Variants in NRF1 observed in about 807,000 individuals in gnomAD.
The protein encoded by NRF1 is nuclear respiratory factor 1.
A neutral mutation model predicts 58.5 loss-of-function variants in NRF1; 5 were observed. That is an observed-to-expected ratio of 0.09 (90% CI 0.04 to 0.18). The LOEUF (loss-of-function observed/expected upper bound fraction) is 0.18. Among genes scored for constraint, NRF1 ranks in the 10% least tolerant of loss-of-function variants. The pLI, the probability that NRF1 is intolerant of heterozygous loss-of-function variation, is 1.00. For synonymous variants in NRF1, 224 were observed against 246.7 expected (o/e 0.91, Z 0.86); for missense variants, 288 against 657.7 (o/e 0.44, Z 6.15).
intron 1 of NRF1, among the ~76,000 whole-genome samples, chr7:129,645,486 A>G (rs973979383): frequency 1.3e-5 from 2 of 152,202 alleles, no homozygotes; most frequent in Non-Finnish European, 2.9e-5. Flanking sequence ...GCTCTTTCCC[A>G]TGCTGGAAAT....
chr7:129,754,102 G>A (rs1245045361), intron 10 of NRF1, among the ~76,000 whole-genome samples: 2 of 152,136 alleles, frequency 1.3e-5, no homozygotes, highest in East Asian at 1.9e-4. Flanking sequence ...AAGCTGGGAA[G>A]GCCCTACCCT....
intron 4 of NRF1, among the ~76,000 whole-genome samples, chr7:129,682,478 CA>C (rs1046000032): frequency 3.3e-5 from 5 of 150,562 alleles, no homozygotes; most frequent in Admixed American, 1.3e-4. Flanking sequence ...AAAAACAAAA[CA>C]AAAAAACCCC....
At chr7:129,690,278 A>T in intron 4 of NRF1, 128 bp from the exon 5 acceptor site, 1 of 793,702 alleles carries the variant, frequency 1.3e-6, no homozygotes, top group Non-Finnish European at 2.0e-6. Flanking sequence ...ATTTGCTTGT[A>T]GAAGTGTTTG....
chr7:129,674,372 C>G (rs1802126926), intron 3 of NRF1, among the ~76,000 whole-genome samples: 1 of 151,506 alleles, frequency 6.6e-6, no homozygotes, highest in Admixed American at 6.6e-5. Flanking sequence ...TAACACTATA[C>G]TCTGTTAAGT....
intron 1 of NRF1, among the ~76,000 whole-genome samples, chr7:129,619,581 G>A (rs1358803177): frequency 6.8e-6 from 1 of 146,460 alleles, no homozygotes; most frequent in African/African-American, 2.5e-5. Context: ...TAAATTCAGG[G>A]GTAGGTCCTA....
chr7:129,683,313 G>A, intron 4 of NRF1, among the ~76,000 whole-genome samples: 1 of 144,958 alleles, frequency 6.9e-6, no homozygotes, highest in South Asian at 2.3e-4. Context: ...GTGTGTGTGT[G>A]TGTGTGTGAG....
chr7:129,613,936 A>G (rs1478953695), intron 1 of NRF1, among the ~76,000 whole-genome samples: 1 of 152,068 alleles, frequency 6.6e-6, no homozygotes, highest in African/African-American at 2.4e-5. Flanking sequence ...AACAAAAACA[A>G]AAACTCTACT....
intron 2 of NRF1, among the ~76,000 whole-genome samples, chr7:129,659,847 T>C (rs1194221987): frequency 6.6e-6 from 1 of 152,184 alleles, no homozygotes; most frequent in Non-Finnish European, 1.5e-5. Context: ...CTGTTCTGTA[T>C]GTATCATCTT....
At position 129,709,099 on chromosome 7, in the gene NRF1, G is replaced by C; in HGVS notation, c.631G>C (p.Glu211Gln). The C allele has an allele frequency of 6.4e-7, 1 of 1,573,780 alleles. No individual in the cohort carries two copies. Among genetic ancestry groups the C allele is most frequent in the Non-Finnish European group, 8.6e-7 (1 of 1,158,754 alleles). ...GGCCCAGCTTCGGGCATTTATCCCA[G>C]AGATGCTCAAGTACTCTACAGGTCG... is the stretch of plus-strand genomic sequence containing the variant. ...TQAQLRAFIP[E>Q]MLKYSTGRGK... is the part of the protein sequence containing the mutation. Residue 211 changes from glutamate (E) to glutamine (Q), a missense_variant, in exon 6 of 11, where the codon GAG becomes CAG. Transcript: ENST00000393232.
intron 4 of NRF1, among the ~76,000 whole-genome samples, chr7:129,678,420 A>G (rs886712301): frequency 3.9e-5 from 6 of 152,228 alleles, no homozygotes; most frequent in African/African-American, 1.4e-4. Flanking sequence ...GCTTAAAATG[A>G]CATTTATTAG....
intron 10 of NRF1, chr7:129,735,158 A>G: frequency 2.0e-6 from 2 of 985,348 alleles, no homozygotes; most frequent in Non-Finnish European, 2.4e-6. Context: ...GAAACCACCT[A>G]TGCTGCCCTG....
At chr7:129,647,956 A>G (rs1301327421) in intron 1 of NRF1, among the ~76,000 whole-genome samples, 2 of 152,162 alleles carry the variant, frequency 1.3e-5, no homozygotes, top group Non-Finnish European at 1.5e-5. Context: ...TTGCTCTAAC[A>G]TGTCATTTAA....
At chr7:129,620,059 T>C (rs542877929) in intron 1 of NRF1, among the ~76,000 whole-genome samples, 1 of 152,298 alleles carries the variant, frequency 6.6e-6, no homozygotes, top group East Asian at 1.9e-4. Context: ...CAAGGGCCTT[T>C]ACTAAATGTT....
Position 129,652,676 on chromosome 7 carries a change from C to T in NRF1, c.-6-4670C>T, listed in dbSNP as rs1032363015. On this transcript the variant is annotated intron_variant, in intron 1 of 10. Coordinates refer to ENST00000393232, the MANE Select transcript of NRF1 (RefSeq NM_005011.5). ...CAGTGGCGCATCTCACTGCAAGCTCCGCCTTCCGGGTTCACGCCATTCTCC... is the reference window on the plus strand; with the variant it reads ...CAGTGGCGCATCTCACTGCAAGCTCTGCCTTCCGGGTTCACGCCATTCTCC... Among the ~76,000 whole-genome samples the T allele has an allele frequency of 3.3e-5, 5 of 152,138 alleles. 1 individual carries two copies. In the South Asian group the frequency reaches 6.2e-4, roughly 19 times the overall value.
At chr7:129,720,990 GTATATACATACATACATATA>G (rs1040283116) in intron 9 of NRF1, among the ~76,000 whole-genome samples, 1 of 151,798 alleles carries the variant, frequency 6.6e-6, no homozygotes, top group African/African-American at 2.4e-5. Flanking sequence ...GTATGTGTGT[GTATATACATACATACATATA>G]TATAATACCA....
At chr7:129,693,242 C>G (rs1337148806) in intron 5 of NRF1, among the ~76,000 whole-genome samples, 2 of 152,232 alleles carry the variant, frequency 1.3e-5, no homozygotes, top group Non-Finnish European at 2.9e-5. Flanking sequence ...AGTGTGGACG[C>G]TGACGCTGCT....
chr7:129,699,590 G>T (rs535287936), intron 5 of NRF1, among the ~76,000 whole-genome samples: 2 of 151,890 alleles, frequency 1.3e-5, no homozygotes, highest in South Asian at 4.2e-4. Flanking sequence ...AATTAGCCAG[G>T]TATGATGGCA....
chr7:129,710,005 C>T (rs1195140765), intron 6 of NRF1, among the ~76,000 whole-genome samples: 2 of 152,030 alleles, frequency 1.3e-5, no homozygotes, highest in African/African-American at 2.4e-5. Flanking sequence ...GCTGGGATTA[C>T]AGGCGTGAGC....
intron 10 of NRF1, among the ~76,000 whole-genome samples, chr7:129,740,350 A>C (rs1322192350): frequency 6.6e-6 from 1 of 152,180 alleles, no homozygotes; most frequent in Non-Finnish European, 1.5e-5. Context: ...ACTCACACCG[A>C]ATGGGAAGGG....
Sources: allele counts gnomAD v4.1 joint callset (sites outside exome capture counted in the v4.1 genomes callset), GRCh38; gene constraint gnomAD v4.1.1; transcripts MANE v1.5; gene names NCBI Gene and HGNC (gene_info 2026-07-23, HGNC 2026-07-21).